The following SPATC1 variants were observed in gnomAD, a reference collection of about 807,000 sequenced individuals.
SPATC1 encodes speriolin.
In SPATC1, 35 loss-of-function variants were observed where a neutral mutation model predicts 36.5. That is an observed-to-expected ratio of 0.96 (90% CI 0.73 to 1.27). SPATC1 has a LOEUF of 1.27. Among genes scored for constraint, SPATC1 ranks in the 50% most tolerant of loss-of-function variants. The pLI, the probability that SPATC1 is intolerant of heterozygous loss-of-function variation, is 0.00. For missense variants in SPATC1, 779 were observed against 796.0 expected, an observed-to-expected ratio of 0.98 and a Z score of 0.26; for synonymous variants, 361 against 353.6, an observed-to-expected ratio of 1.02 and a Z score of -0.24.
chr8:144,037,299 C>A (rs1191261301), intron 1 of SPATC1, among the ~76,000 whole-genome samples: 3 of 151,344 alleles, frequency 2.0e-5, no homozygotes, highest in Non-Finnish European at 3.0e-5. Flanking sequence ...GCCCGGCCAC[C>A]ACCCCGTCTG....
chr8:144,026,067 C>T (rs912927918), intron 1 of SPATC1, among the ~76,000 whole-genome samples: 9 of 152,026 alleles, frequency 5.9e-5, no homozygotes, highest in Non-Finnish European at 1.3e-4. Context: ...GAAACCTCAT[C>T]CCCTTTAGCT....
chr8:144,041,134 G>A (rs1835085268), intron 3 of SPATC1, 27 bp downstream of exon 3: 2 of 1,583,116 alleles, frequency 1.3e-6, no homozygotes, highest in South Asian at 2.3e-5. Flanking sequence ...GCTCCACGCG[G>A]GTCGGGCCCC....
chr8:144,043,537 C>T (rs1835172937), intron 4 of SPATC1, among the ~76,000 whole-genome samples: 1 of 152,022 alleles, frequency 6.6e-6, no homozygotes, highest in African/African-American at 2.4e-5. Context: ...GCCTTGGCCT[C>T]GCCCAGCTTT....
upstream of SPATC1, among the ~76,000 whole-genome samples, chr8:144,011,628 G>C (rs1834284435): frequency 6.6e-6 from 1 of 152,310 alleles, no homozygotes; most frequent in African/African-American, 2.4e-5. The surrounding 1 kb of genome is among the most constrained non-coding windows in gnomAD (Gnocchi z 4.5). Context: ...AGCTCTAAGA[G>C]AAGGGGAGCA....
At chr8:144,028,886 A>C (rs1188474684) in intron 1 of SPATC1, among the ~76,000 whole-genome samples, 2 of 152,148 alleles carry the variant, frequency 1.3e-5, no homozygotes, top group Non-Finnish European at 2.9e-5. Context: ...AAGGGATAAG[A>C]TCATGTCCTT....
intron 4 of SPATC1, among the ~76,000 whole-genome samples, chr8:144,044,214 A>T (rs116521117): frequency 0.038 from 5,846 of 152,086 alleles, 381 homozygotes; most frequent in African/African-American, 0.13. Context: ...GAGCAGAGAG[A>T]AGGTGGTACT....
At chr8:144,024,083 C>T (rs913873635) in intron 1 of SPATC1, among the ~76,000 whole-genome samples, 1 of 150,734 alleles carries the variant, frequency 6.6e-6, no homozygotes, top group South Asian at 2.1e-4. Flanking sequence ...TCTCTGAGGA[C>T]CCTGTACCCT....
At chr8:144,021,336 G>GGAACCCC (rs1834530652) in intron 1 of SPATC1, among the ~76,000 whole-genome samples, 1 of 7,546 alleles carries the variant, frequency 1.3e-4, no homozygotes, top group Non-Finnish European at 3.4e-4. Context: ...TCATGACCCA[G>GGAACCCC]TTTCTCCCCT....
intron 1 of SPATC1, among the ~76,000 whole-genome samples, chr8:144,033,513 G>A (rs1303333734): frequency 1.3e-5 from 2 of 152,126 alleles, no homozygotes; most frequent in African/African-American, 4.8e-5. Flanking sequence ...ATTAGATTCT[G>A]GAGACCCAAA....
chr8:144,044,356 C>G (rs1835198992), intron 4 of SPATC1, among the ~76,000 whole-genome samples: 1 of 150,684 alleles, frequency 6.6e-6, no homozygotes, highest in South Asian at 2.1e-4. Flanking sequence ...GGCTGGAGTG[C>G]ATTGGCGCGA....
At chr8:144,025,295 T>C (rs1359832802) in intron 1 of SPATC1, among the ~76,000 whole-genome samples, 1 of 152,162 alleles carries the variant, frequency 6.6e-6, no homozygotes, top group African/African-American at 2.4e-5. Context: ...GATCCTCCCA[T>C]CTTAGCCTCT....
At chr8:144,014,345 G>T (rs1834339674) in intron 1 of SPATC1, among the ~76,000 whole-genome samples, 1 of 149,514 alleles carries the variant, frequency 6.7e-6, no homozygotes, top group African/African-American at 2.5e-5. Flanking sequence ...GAAAGAGAAA[G>T]AAAGGGAAAG....
intron 1 of SPATC1, among the ~76,000 whole-genome samples, chr8:144,027,783 AG>A (rs1430981296): frequency 6.6e-6 from 1 of 152,186 alleles, no homozygotes; most frequent in East Asian, 1.9e-4. Context: ...ACTTGAGGTC[AG>A]GAGTTTGAGA....
At chr8:144,011,856 G>C (rs1834287024), upstream of SPATC1, among the ~76,000 whole-genome samples, 1 of 152,146 alleles carries the variant, frequency 6.6e-6, no homozygotes, top group Non-Finnish European at 1.5e-5. This position sits in a 1 kb window ranked among gnomAD's most constrained non-coding sequence, Gnocchi z 4.5. Context: ...TAGAGACTCT[G>C]AGCACCTGGG....
rs1315574076 is a variant in SPATC1 at position 144,018,910 on chromosome 8, C to T, written c.211+6184C>T. 2.8e-3 allele frequency among the ~76,000 whole-genome samples: 399 copies of T among 140,102 alleles called. 1 individual carries two copies. The highest frequency in any genetic ancestry group is 4.9e-3 in the Non-Finnish European group (320 of 65,458). The allele number at this position is 140,102 out of a possible 152,430, so 91.9% of individuals were successfully genotyped here. A position where few individuals can be genotyped will look rare whatever the true frequency, so the allele number is the denominator to read the frequency against. ...AAAAAAAAAAAAGCAGGCATGGTGG[C>T]GGGCGCCTGTGGTCCCAGCTACTCA... On this transcript the variant is annotated intron_variant, in intron 1 of 4. Coordinates refer to ENST00000377470, the MANE Select transcript of SPATC1 (RefSeq NM_198572.3).
chr8:144,043,627 C>T (rs1014008389), intron 4 of SPATC1, among the ~76,000 whole-genome samples: 6 of 151,702 alleles, frequency 4.0e-5, no homozygotes, highest in East Asian at 3.9e-4. Flanking sequence ...CCACCTGCCT[C>T]GGTCTCCCAA....
chr8:144,022,981 AC>A (rs1834571243), intron 1 of SPATC1, among the ~76,000 whole-genome samples: 3 of 140,348 alleles, frequency 2.1e-5, no homozygotes, highest in African/African-American at 5.4e-5. Context: ...TTCCCTCAGG[AC>A]CCTCTTCCCT....
chr8:144,036,450 A>G (rs1834900108), intron 1 of SPATC1, among the ~76,000 whole-genome samples: 1 of 152,144 alleles, frequency 6.6e-6, no homozygotes, highest in South Asian at 2.1e-4. Context: ...CAGCCTCCCA[A>G]GTAGCTGGGA....
Position 144,046,774 on chromosome 8 carries a change from T to G in SPATC1, c.1594T>G (p.Tyr532Asp). 1 of 1,610,758 alleles carries G rather than the reference T, an allele frequency of 6.2e-7. No individual in the cohort carries two copies. The highest frequency in any genetic ancestry group is 8.5e-7 in the Non-Finnish European group (1 of 1,179,986). The change falls in exon 5 of 5, where the codon TAT becomes GAT. Residue 532 changes from tyrosine (Y) to aspartate (D), a missense_variant. By Grantham distance (160) the Tyr-to-Asp change is radical. Transcript: ENST00000377470. This position sits in a 1 kb window ranked among gnomAD's most constrained non-coding sequence, Gnocchi z 6.6. ...GCTGACCGAGCAGCTGGTGAACGCTTATGGCATCCTGCGAGAGCGCCCGGA... is the reference window on the plus strand; with the variant it reads ...GCTGACCGAGCAGCTGGTGAACGCTGATGGCATCCTGCGAGAGCGCCCGGA... ...PALTEQLVNA[Y>D]GILRERPELA...
Sources: gnomAD v4.1 joint callset for allele counts (sites outside exome capture counted in the v4.1 genomes callset) on GRCh38, gnomAD v4.1.1 for gene constraint, Gnocchi (gnomAD v3.1) non-coding constraint, MANE v1.5 for transcripts, NCBI Gene and HGNC (gene_info 2026-07-23, HGNC 2026-07-21) for gene names.